LAMA3: variants seen among roughly 807,000 people sequenced by gnomAD.
LAMA3 encodes the protein laminin subunit alpha 3.
In LAMA3, 281 loss-of-function variants were observed where a neutral mutation model predicts 402.0. That is an observed-to-expected ratio of 0.70 (90% CI 0.63 to 0.77). The LOEUF is 0.77. Ranked by LOEUF, LAMA3 falls within the 30% of genes least tolerant of loss-of-function variation. The pLI, the probability that LAMA3 is intolerant of heterozygous loss-of-function variation, is 0.00. For synonymous variants in LAMA3, 1,431 were observed against 1,558.4 expected (o/e 0.92, Z 1.93); for missense variants, 3,840 against 4,215.5 (o/e 0.91, Z 2.47).
intron 6 of LAMA3, among the ~76,000 whole-genome samples, chr18:23,754,094 A>G (rs552233410): frequency 1.3e-5 from 2 of 152,304 alleles, no homozygotes; most frequent in African/African-American, 2.4e-5. Flanking sequence ...CAGGCAGCCA[A>G]TTGATTAGAG....
intron 6 of LAMA3, among the ~76,000 whole-genome samples, chr18:23,754,999 C>G (rs2061818514): frequency 1.3e-5 from 2 of 152,158 alleles, no homozygotes; most frequent in African/African-American, 4.8e-5. Flanking sequence ...TGTTGTTGTT[C>G]CCCCTTCAAG....
intron 8 of LAMA3, among the ~76,000 whole-genome samples, chr18:23,764,316 G>A (rs2143758210): frequency 6.6e-6 from 1 of 152,230 alleles, no homozygotes; most frequent in African/African-American, 2.4e-5. Context: ...AAATAGGTTT[G>A]TTACAAATCA....
At chr18:23,718,334 G>T (rs1280545943) in intron 2 of LAMA3, among the ~76,000 whole-genome samples, 1 of 152,158 alleles carries the variant, frequency 6.6e-6, no homozygotes, top group Non-Finnish European at 1.5e-5. Context: ...ATGAGGAGGT[G>T]GGTGCGGAGG....
chr18:23,865,417 G>A (rs533644773), intron 36 of LAMA3, among the ~76,000 whole-genome samples: 6 of 152,292 alleles, frequency 3.9e-5, no homozygotes, highest in African/African-American at 1.2e-4. Flanking sequence ...GATTACAGGC[G>A]TGAGCCACAT....
rs1187207704 is a variant in LAMA3 at position 23,890,360 on chromosome 18, T to TA, written c.5410+248dup. Among the ~76,000 whole-genome samples, 152 of 151,898 alleles carry TA rather than the reference T, an allele frequency of 1.0e-3. 1 individual carries two copies. The highest frequency in any genetic ancestry group is 1.5e-3 in the Non-Finnish European group (101 of 67,928). On this transcript the variant is annotated intron_variant, in intron 42 of 74. Transcript: ENST00000313654. ...CCTGTTTCAATGCACTTTTTTTTTT[T>TA]AAAAAGTGAATTGTTTTTGAAACTT...
At chr18:23,708,783 T>C (rs2060936282) in intron 1 of LAMA3, among the ~76,000 whole-genome samples, 1 of 152,066 alleles carries the variant, frequency 6.6e-6, no homozygotes, top group Non-Finnish European at 1.5e-5. Context: ...CAGAGTCAAG[T>C]TCTCACCCTG....
At position 23,833,857 on chromosome 18, in the gene LAMA3, A is replaced by G; in HGVS notation, c.2853A>G (p.Pro951=). 6.2e-7 allele frequency: 1 copy of G among 1,613,706 alleles called. No individual in the cohort carries two copies. Residue 951 remains proline, a synonymous_variant, in exon 24 of 75, where the codon CCA becomes CCG. Coordinates refer to ENST00000313654, the MANE Select transcript of LAMA3 (RefSeq NM_198129.4). ...AATTGCATCTGCGGCTGCGCATCCC[A>G]CAGGTTGGCCACTACGTGGTTGTGG... The part of the protein sequence containing the change: ...EVELHLRLRI[P]QVGHYVVVVE...
intron 11 of LAMA3, among the ~76,000 whole-genome samples, chr18:23,777,821 C>T (rs996132866): frequency 3.9e-5 from 6 of 152,188 alleles, no homozygotes; most frequent in Non-Finnish European, 7.3e-5. Flanking sequence ...CACTACCTGA[C>T]GTAGGAAACT....
intron 12 of LAMA3, among the ~76,000 whole-genome samples, chr18:23,797,348 G>T (rs1450355372): frequency 6.6e-6 from 1 of 151,968 alleles, no homozygotes; most frequent in Non-Finnish European, 1.5e-5. Context: ...GGCCCACAAT[G>T]GTGTATCAGC....
At chr18:23,709,246 T>C (rs1267396871) in intron 1 of LAMA3, among the ~76,000 whole-genome samples, 1 of 151,858 alleles carries the variant, frequency 6.6e-6, no homozygotes, top group African/African-American at 2.4e-5. Context: ...ATTATTTTTG[T>C]ATTTTTAGTA....
chr18:23,950,847 A>C (rs1485742022), intron 72 of LAMA3, among the ~76,000 whole-genome samples: 1 of 152,164 alleles, frequency 6.6e-6, no homozygotes. Flanking sequence ...CCAGAAAAGC[A>C]AGTAACTATC....
At chr18:23,872,835 A>C (rs941555853) in intron 38 of LAMA3, 2 of 588,266 alleles carry the variant, frequency 3.4e-6, no homozygotes, top group Non-Finnish European at 3.0e-6. Context: ...GCCCCACCTC[A>C]CAGGAATTAC....
Position 23,777,558 on chromosome 18 carries a change from A to T in LAMA3, c.1407A>T (p.Arg469Ser). The change falls in exon 11 of 75, where the codon AGA (arginine) becomes AGT (serine). Residue 469 changes from arginine to serine, a missense_variant and splice_region_variant. Arg to Ser is a moderately radical substitution (Grantham distance 110). Around this residue, in one of 3 missense-constraint regions of LAMA3, gnomAD observed 2,109 missense variants for 2,376.0 expected, o/e 0.89. Transcript: ENST00000313654. Reference sequence around the variant, plus strand: ...TTTTTTAATAAACTATTTTTACAGGAATTCCCATTTTTCCTGTTTCTACAC... The same window carrying T: ...TTTTTTAATAAACTATTTTTACAGGTATTCCCATTTTTCCTGTTTCTACAC... ...IGYYNFPFCLRIPIFPVSTPS... is the reference protein window; with the variant it reads ...IGYYNFPFCLSIPIFPVSTPS... 1 of 1,599,120 alleles carries T rather than the reference A, an allele frequency of 6.3e-7. No homozygotes were observed. Among genetic ancestry groups the T allele is most frequent in the South Asian group, 1.1e-5 (1 of 90,746 alleles).
chr18:23,898,258 T>C (rs2080944816), intron 44 of LAMA3: 1 of 168,792 alleles, frequency 5.9e-6, no homozygotes, highest in African/African-American at 2.4e-5. Flanking sequence ...GGGCTTCCAT[T>C]TTCTCAGTTG....
Position 23,689,725 on chromosome 18 carries a change from A to G in LAMA3, c.42A>G (p.Pro14=). The G allele has an allele frequency of 6.8e-7, 1 of 1,473,806 alleles. No homozygotes were observed. Among genetic ancestry groups the G allele is most frequent in the Non-Finnish European group, 9.0e-7 (1 of 1,116,996 alleles). The allele number at this position is 1,473,806 out of a possible 1,614,324, so 91.3% of individuals were successfully genotyped here. A position where few individuals can be genotyped will look rare whatever the true frequency, so the allele number is the denominator to read the frequency against. Reference sequence around the variant, plus strand: ...GGCCTCGGGGTCGGGCACTGGGGCCAGTACTGCCGCCGACGCCGCTGCTCC... The same window carrying G: ...GGCCTCGGGGTCGGGCACTGGGGCCGGTACTGCCGCCGACGCCGCTGCTCC... ...AARPRGRALG[P]VLPPTPLLLL... is the part of the protein sequence containing the mutation. Residue 14 remains proline, a synonymous_variant, in exon 1 of 75, where the codon CCA becomes CCG. Transcript: ENST00000313654.
rs2081493018 is a variant in LAMA3, at chr18:23,913,149, A to G, written c.7329+268A>G. The stretch of plus-strand genomic sequence containing the variant: ...CACGTGGGCATGTGTGTGTACATGT[A>G]AAAAACATATGCACTTGGGGAGGAT... On this transcript the variant is annotated intron_variant, in intron 56 of 74. Coordinates refer to ENST00000313654, the MANE Select transcript of LAMA3 (RefSeq NM_198129.4). Among the ~76,000 whole-genome samples the G allele has an allele frequency of 2.6e-5, 4 of 152,210 alleles. No individual in the cohort carries two copies. The South Asian group carries it at 8.3e-4, about 32-fold the overall frequency.
chr18:23,689,469 G>T lies in LAMA3; in HGVS notation c.-215G>T, dbSNP rs867349464. ...AGCGCTGTCAGTTCCTGATCCGGCT[G>T]GTGCCCGCTCCAGCCGCGGCAGGTT... On this transcript the variant is annotated 5_prime_UTR_variant, in exon 1 of 75. Transcript: ENST00000313654. 190 of 383,752 alleles carry T rather than the reference G, an allele frequency of 5.0e-4. 1 individual carries two copies. In the Middle Eastern group the frequency reaches 9.0e-3, roughly 18 times the overall value. The allele number at this position is 383,752 out of a possible 1,614,324, so 23.8% of individuals were successfully genotyped here.
In LAMA3 at chr18:23,816,446, G is replaced by T; in HGVS notation, c.2106G>T (p.Val702=). The T allele has an allele frequency of 6.2e-7, 1 of 1,614,126 alleles. No individual in the cohort carries two copies. Among genetic ancestry groups the T allele is most frequent in the Non-Finnish European group, 8.5e-7 (1 of 1,180,016 alleles). The change falls in exon 18 of 75, where the codon GTG becomes GTT. Residue 702 remains valine (V), a synonymous_variant. Coordinates refer to ENST00000313654, the MANE Select transcript of LAMA3 (RefSeq NM_198129.4). ...LSSMCSGPSG[V]CQCREHVVGK... ...CCATGTGCAGTGGGCCCTCGGGAGTGTGCCAGTGCCGAGAGCATGTCGTGG... is the reference window on the plus strand; with the variant it reads ...CCATGTGCAGTGGGCCCTCGGGAGTTTGCCAGTGCCGAGAGCATGTCGTGG...
chr18:23,781,299 TG>T (rs2062432293), intron 11 of LAMA3: 4 of 455,994 alleles, frequency 8.8e-6, no homozygotes, highest in Non-Finnish European at 1.8e-5. Flanking sequence ...ACGGACAGGG[TG>T]GTGCTCATGC....
Sources: gnomAD v4.1 joint callset for allele counts (sites outside exome capture counted in the v4.1 genomes callset) on GRCh38, gnomAD v4.1.1 for gene constraint, gnomAD v4.1.1 regional missense constraint, MANE v1.5 for transcripts, NCBI Gene and HGNC (gene_info 2026-07-23, HGNC 2026-07-21) for gene names.